Variants in CEP250 observed in about 807,000 individuals in gnomAD.
CEP250 encodes centrosomal protein 250.
In CEP250, 242 loss-of-function variants were observed where a neutral mutation model predicts 315.7. The observed-to-expected ratio is 0.77, with a 90% CI of 0.69 to 0.85. CEP250 has a LOEUF of 0.85. CEP250 is among the 40% of genes least tolerant of loss of function. The pLI is 0.00. For synonymous variants in CEP250, 1,088 were observed against 1,175.0 expected, an observed-to-expected ratio of 0.93 and a Z score of 1.51; for missense variants, 2,515 against 2,886.4, an observed-to-expected ratio of 0.87 and a Z score of 2.95.
Position 35,509,983 on chromosome 20 carries a change from G to A in CEP250, c.7009-15G>A. 1 of 1,613,656 alleles carries A rather than the reference G, an allele frequency of 6.2e-7. No individual in the cohort carries two copies. Among genetic ancestry groups the A allele is most frequent in the Non-Finnish European group, 8.5e-7 (1 of 1,179,508 alleles). On this transcript the variant is annotated splice_polypyrimidine_tract_variant and intron_variant, in intron 33 of 34. Coordinates refer to ENST00000397527, the MANE Select transcript of CEP250 (RefSeq NM_007186.6). ...GAAGGCCTATGCCAACAAGAGTGCT[G>A]TTTGTCTTCCTTAGGATGGGAGAGG...
chr20:35,494,559 T>A lies in CEP250; in HGVS notation c.3069T>A (p.Asp1023Glu). 1 of 1,614,054 alleles carries A rather than the reference T, an allele frequency of 6.2e-7. No homozygotes were observed. The highest frequency in any genetic ancestry group is 8.5e-7 in the Non-Finnish European group (1 of 1,180,008). Residue 1023 changes from aspartate (D) to glutamate (E), a missense_variant, in exon 24 of 35, where the codon GAT becomes GAA. Physicochemically the swap from Asp to Glu is conservative, Grantham distance 45. Transcript: ENST00000397527. Reference sequence around the variant, plus strand: ...TGAAGTCTCAGCTGGTGGCCCAGGATGACTCCCAGAGGCTGGTGGAGCAGG... The same window carrying A: ...TGAAGTCTCAGCTGGTGGCCCAGGAAGACTCCCAGAGGCTGGTGGAGCAGG... ...EDLKSQLVAQ[D>E]DSQRLVEQEV... is the part of the protein sequence containing the mutation.
In CEP250 at chr20:35,518,399, G is replaced by A. The variant is rs560407302; in HGVS notation, c.*6773G>A. On this transcript the variant is annotated 3_prime_UTR_variant, in exon 35 of 35. Coordinates refer to ENST00000397527, the MANE Select transcript of CEP250 (RefSeq NM_007186.6). ...TTGAGCAGCCAAGGGGGTAGCATGC[G>A]GTGGATATTTGTTTTAGATACACAG... 4.1e-4 allele frequency: 62 copies of A among 152,106 alleles called. No individual in the cohort carries two copies. Among genetic ancestry groups the A allele is most frequent in the Admixed American group, 3.5e-3 (54 of 15,276 alleles). 9.4% of individuals were successfully genotyped at this position (152,106 alleles called of 1,614,324 possible). A position where few individuals can be genotyped will look rare whatever the true frequency, so the allele number is the denominator to read the frequency against.
At chr20:35,490,899 G>T (rs770012012) in intron 21 of CEP250, 95 bp downstream of exon 21, 14 of 1,441,240 alleles carry the variant, frequency 9.7e-6, no homozygotes, top group Non-Finnish European at 1.3e-5. Context: ...TGCTGCAGAG[G>T]GGCTTCCAGA....
At chr20:35,505,072 C>T in intron 30 of CEP250, 67 bp downstream of exon 30, 2 of 1,387,802 alleles carry the variant, frequency 1.4e-6, no homozygotes, top group Non-Finnish European at 1.9e-6. Flanking sequence ...CAGGGACTGC[C>T]CACCACCCTG....
rs116454922 is a variant in CEP250, at chr20:35,499,909, A to G, written c.3778-140A>G. 5.5e-3 allele frequency: 5,550 copies of G among 1,013,350 alleles called. 216 individuals carry two copies. The African/African-American group carries it at 0.077, about 14-fold the overall frequency. 62.8% of individuals were successfully genotyped at this position (1,013,350 alleles called of 1,614,324 possible). On this transcript the variant is annotated intron_variant, in intron 27 of 34. Coordinates refer to ENST00000397527, the MANE Select transcript of CEP250 (RefSeq NM_007186.6). ...AGGAAGCTAAATACACATGTGTTTAAAGGAAGTAACCCGGCAATCTGGGAG... is the reference window on the plus strand; with the variant it reads ...AGGAAGCTAAATACACATGTGTTTAGAGGAAGTAACCCGGCAATCTGGGAG...
At chr20:35,456,315 T>A (rs779949699) in intron 1 of CEP250, among the ~76,000 whole-genome samples, 8 of 152,182 alleles carry the variant, frequency 5.3e-5, no homozygotes, top group Non-Finnish European at 1.0e-4. Flanking sequence ...GTCCCACAAC[T>A]AATAAGTGGA....
At position 35,503,913 on chromosome 20, in the gene CEP250, G is replaced by A. The variant is rs929613313; in HGVS notation, c.5544G>A (p.Glu1848=). 1 of 1,613,852 alleles carries A rather than the reference G, an allele frequency of 6.2e-7. No individual in the cohort carries two copies. The highest frequency in any genetic ancestry group is 8.5e-7 in the Non-Finnish European group (1 of 1,179,856). The change falls in exon 30 of 35, where the codon GAG becomes GAA. Residue 1848 remains glutamate (E), a synonymous_variant. Coordinates refer to ENST00000397527, the MANE Select transcript of CEP250 (RefSeq NM_007186.6). The surrounding 1 kb of genome is among the most constrained non-coding windows in gnomAD (Gnocchi z 4.2). Reference sequence around the variant, plus strand: ...CAGACGCCCTCCAGGGAGCTCTGGAGCAAGCCCATATGACACTGAAGGAGC... The same window carrying A: ...CAGACGCCCTCCAGGGAGCTCTGGAACAAGCCCATATGACACTGAAGGAGC... ...EKADALQGAL[E]QAHMTLKERH... is the part of the protein sequence containing the mutation.
At chr20:35,511,213 C>G (rs2064345806) in intron 34 of CEP250, 150 bp from the exon 35 acceptor site, 2 of 653,552 alleles carry the variant, frequency 3.1e-6, no homozygotes, top group Non-Finnish European at 5.2e-6. Context: ...CCTCTAAACT[C>G]TCTACAGCCT....
Position 35,491,334 on chromosome 20 carries a change from A to G in CEP250, c.2877A>G (p.Lys959=), listed in dbSNP as rs752516290. Residue 959 remains lysine (K), a synonymous_variant, in exon 22 of 35, where the codon AAA becomes AAG. Transcript: ENST00000397527. ...TGAGGCAGGACATGAAAGTCCAGAA[A>G]TTAAAGGAGCAGGTATGGAGGGTGG... ...ERLRQDMKVQ[K]LKEQETTGIL... is the part of the protein sequence containing the mutation. 2.3e-5 allele frequency: 36 copies of G among 1,592,172 alleles called. No homozygotes were observed. The highest frequency in any genetic ancestry group is 3.1e-5 in the Non-Finnish European group (36 of 1,168,894).
chr20:35,473,904 C>G lies in CEP250; in HGVS notation c.1423C>G (p.Leu475Val). 6.2e-7 allele frequency: 1 copy of G among 1,613,282 alleles called. No individual in the cohort carries two copies. Among genetic ancestry groups the G allele is most frequent in the African/African-American group, 1.3e-5 (1 of 74,956 alleles). Residue 475 changes from leucine to valine, a missense_variant, in exon 14 of 35, where the codon CTG becomes GTG. Coordinates refer to ENST00000397527, the MANE Select transcript of CEP250 (RefSeq NM_007186.6). ...GCTGCTGCAGAAGGCCAGGGAAGAG[C>G]TGCGGCAGCAGCTGGAGGTGCTAGA... Reference protein sequence around the residue: ...RELLQKAREELRQQLEVLEQE... With the variant: ...RELLQKAREEVRQQLEVLEQE...
rs759692005 is a variant in CEP250 at position 35,490,680 on chromosome 20, T to C, written c.2630T>C (p.Leu877Pro). 1 of 1,613,682 alleles carries C rather than the reference T, an allele frequency of 6.2e-7. No individual in the cohort carries two copies. Among genetic ancestry groups the C allele is most frequent in the Non-Finnish European group, 8.5e-7 (1 of 1,179,886 alleles). The change falls in exon 21 of 35, where the codon CTG (leucine) becomes CCG (proline). Residue 877 changes from leucine (L) to proline (P), a missense_variant. Coordinates refer to ENST00000397527, the MANE Select transcript of CEP250 (RefSeq NM_007186.6). ...SWHQQELAKA[L>P]ESLEREKMEL... Reference sequence around the variant, plus strand: ...CACCAGCAGGAGCTGGCAAAGGCTCTGGAGAGCTTAGAAAGGGAAAAAATG... The same window carrying C: ...CACCAGCAGGAGCTGGCAAAGGCTCCGGAGAGCTTAGAAAGGGAAAAAATG...
intron 30 of CEP250, among the ~76,000 whole-genome samples, chr20:35,506,896 G>A (rs1340971178): frequency 6.6e-6 from 1 of 152,170 alleles, no homozygotes; most frequent in African/African-American, 2.4e-5. Context: ...CACAGCAAAA[G>A]TAAGTTATGT....
At chr20:35,473,599 C>A in intron 13 of CEP250, 47 bp downstream of exon 13, 1 of 1,531,532 alleles carries the variant, frequency 6.5e-7, no homozygotes, top group Non-Finnish European at 8.8e-7. Flanking sequence ...TGGTCTCAGT[C>A]TCAGTCACCA....
chr20:35,499,716 A>G (rs1280947806), intron 27 of CEP250, among the ~76,000 whole-genome samples: 1 of 152,200 alleles, frequency 6.6e-6, no homozygotes, highest in East Asian at 1.9e-4. Context: ...GGTCAGAAGG[A>G]AAGAAGAGAT....
intron 20 of CEP250, among the ~76,000 whole-genome samples, chr20:35,480,866 G>T (rs1414277553): frequency 6.6e-6 from 1 of 152,100 alleles, no homozygotes; most frequent in Admixed American, 6.6e-5. Flanking sequence ...GGGTACAGCT[G>T]TGAGCCACTG....
intron 20 of CEP250, among the ~76,000 whole-genome samples, chr20:35,480,411 A>T (rs939765068): frequency 6.6e-6 from 1 of 152,084 alleles, no homozygotes; most frequent in Non-Finnish European, 1.5e-5. Context: ...ATTTAGGATT[A>T]TTAAACTGGC....
chr20:35,472,552 C>T, intron 11 of CEP250, 121 bp from the exon 12 acceptor site: 1 of 997,320 alleles, frequency 1.0e-6, no homozygotes. Context: ...TCCCCTCCTT[C>T]CCCCAGGGGA....
chr20:35,511,320 C>T lies in CEP250; in HGVS notation c.7066-43C>T, dbSNP rs777838626. 4 of 1,522,334 alleles carry T rather than the reference C, an allele frequency of 2.6e-6. No individual in the cohort carries two copies. The South Asian group carries it at 3.6e-5, about 14-fold the overall frequency. 94.3% of individuals were successfully genotyped at this position (1,522,334 alleles called of 1,614,324 possible). On this transcript the variant is annotated intron_variant, in intron 34 of 34. Transcript: ENST00000397527. ...AGGAAGAGCTGGGACAACTTCAGGG[C>T]CCTCAGCTGCTCTCGCTTTTTTTTT...
chr20:35,506,263 G>A (rs1219927200), intron 30 of CEP250, among the ~76,000 whole-genome samples: 1 of 152,192 alleles, frequency 6.6e-6, no homozygotes, highest in Admixed American at 6.5e-5. Flanking sequence ...ATCTGAAGCT[G>A]AAGGATGGAG....
Sources: gnomAD v4.1 joint callset for allele counts (sites outside exome capture counted in the v4.1 genomes callset) on GRCh38, gnomAD v4.1.1 for gene constraint, Gnocchi (gnomAD v3.1) non-coding constraint, MANE v1.5 for transcripts, NCBI Gene and HGNC (gene_info 2026-07-23, HGNC 2026-07-21) for gene names.